Variants in ALCAM observed in about 807,000 individuals in gnomAD.
The protein encoded by ALCAM is activated leukocyte cell adhesion molecule, also known as CD166 antigen.
Under a neutral mutation model 70.9 loss-of-function variants are expected in ALCAM, and 30 were observed. That is an observed-to-expected ratio of 0.42 (90% CI 0.32 to 0.57). The LOEUF (loss-of-function observed/expected upper bound fraction) is 0.57, where lower values mean the gene tolerates loss of function less well. ALCAM is among the 20% of genes least tolerant of loss of function. The probability of loss-of-function intolerance (pLI) is 0.11; values close to 1 mark genes in which losing one functional copy is unlikely to be tolerated. For synonymous variants in ALCAM, 249 were observed against 242.5 expected (o/e 1.03, Z -0.25); for missense variants, 591 against 695.1 (o/e 0.85, Z 1.68).
intron 6 of ALCAM, among the ~76,000 whole-genome samples, chr3:105,536,382 C>A (rs1231540526): frequency 6.6e-6 from 1 of 152,100 alleles, no homozygotes; most frequent in Non-Finnish European, 1.5e-5. Context: ...GTGTGAGCCA[C>A]CAAGCCCGGC....
chr3:105,407,264 A>C (rs1347738907), intron 1 of ALCAM, among the ~76,000 whole-genome samples: 4 of 80,002 alleles, frequency 5.0e-5, no homozygotes, highest in Non-Finnish European at 7.8e-5. Flanking sequence ...CAGCAACAAC[A>C]ACAAAAAAAA....
intron 1 of ALCAM, among the ~76,000 whole-genome samples, chr3:105,445,829 A>G (rs903841707): frequency 3.3e-4 from 50 of 152,222 alleles, no homozygotes; most frequent in African/African-American, 1.1e-3. Context: ...AAATCAATTC[A>G]AAATTGATTA....
At chr3:105,426,962 T>C (rs544730343) in intron 1 of ALCAM, among the ~76,000 whole-genome samples, 13 of 152,016 alleles carry the variant, frequency 8.6e-5, no homozygotes, top group Non-Finnish European at 1.5e-4. Flanking sequence ...CAATGATCCT[T>C]CTGGGGAGAC....
intron 1 of ALCAM, among the ~76,000 whole-genome samples, chr3:105,498,825 T>A (rs1468969777): frequency 6.6e-6 from 1 of 152,190 alleles, no homozygotes; most frequent in East Asian, 1.9e-4. Flanking sequence ...TAAATTCCCA[T>A]TGTCTTATGG....
chr3:105,523,832 G>A (rs544622527), intron 2 of ALCAM, among the ~76,000 whole-genome samples: 3 of 152,148 alleles, frequency 2.0e-5, no homozygotes, highest in Non-Finnish European at 4.4e-5. Context: ...GTTTTGGTTA[G>A]AGGTGTGGAC....
At chr3:105,418,820 C>T (rs552462447) in intron 1 of ALCAM, among the ~76,000 whole-genome samples, 52 of 151,634 alleles carry the variant, frequency 3.4e-4, no homozygotes, top group African/African-American at 1.2e-3. Context: ...CAGATATTCA[C>T]TGTAGAAAAA....
At chr3:105,458,527 A>C (rs1206585144) in intron 1 of ALCAM, among the ~76,000 whole-genome samples, 4 of 152,224 alleles carry the variant, frequency 2.6e-5, no homozygotes, top group Admixed American at 6.5e-5. Flanking sequence ...GCTATTAGCT[A>C]TCACTTCTTA....
intron 1 of ALCAM, among the ~76,000 whole-genome samples, chr3:105,402,603 C>T (rs928073635): frequency 6.6e-6 from 1 of 152,084 alleles, no homozygotes; most frequent in Non-Finnish European, 1.5e-5. Flanking sequence ...GGGTGTGGCC[C>T]GTGACTGCTG....
chr3:105,573,787 A>T (rs1473155354), intron 15 of ALCAM, among the ~76,000 whole-genome samples: 1 of 152,230 alleles, frequency 6.6e-6, no homozygotes. Flanking sequence ...GTTCATTATA[A>T]ATAAACCACA....
At position 105,431,763 on chromosome 3, in the gene ALCAM, G is replaced by T. The variant is rs566153766; in HGVS notation, c.73+64282G>T. 5.9e-5 allele frequency among the ~76,000 whole-genome samples: 9 copies of T among 152,152 alleles called. No homozygotes were observed. In the South Asian group the frequency reaches 1.9e-3, roughly 32 times the overall value. ...TATTTTTGAAATCAGTTTTCACCCT[G>T]TTTTTGTTATGAATTATGACAGTGA... On this transcript the variant is annotated intron_variant, in intron 1 of 15. Transcript: ENST00000306107.
chr3:105,566,175 G>A (rs965715276), intron 14 of ALCAM, among the ~76,000 whole-genome samples: 2 of 152,186 alleles, frequency 1.3e-5, no homozygotes, highest in Admixed American at 1.3e-4. Flanking sequence ...GTGGATTTTG[G>A]TATTCAAGAG....
rs1935826941 is a variant in ALCAM at position 105,391,890 on chromosome 3, T to C, written c.73+24409T>C. The stretch of plus-strand genomic sequence containing the variant: ...GATGAATTACATTGATTGTTTTATG[T>C]ATGTTGAACCAGCCTTGCATCTGGG... On this transcript the variant is annotated intron_variant, in intron 1 of 15. Transcript: ENST00000306107. Among the ~76,000 whole-genome samples, 2 of 152,274 alleles carry C rather than the reference T, an allele frequency of 1.3e-5. 1 individual carries two copies. Among genetic ancestry groups the C allele is most frequent in the African/African-American group, 4.8e-5 (2 of 41,572 alleles).
intron 1 of ALCAM, among the ~76,000 whole-genome samples, chr3:105,432,660 G>A (rs539266524): frequency 2.0e-5 from 3 of 151,984 alleles, no homozygotes; most frequent in Non-Finnish European, 4.4e-5. Context: ...GTCAAACTTA[G>A]CACAGCGCTT....
intron 1 of ALCAM, among the ~76,000 whole-genome samples, chr3:105,435,629 T>C (rs752591269): frequency 1.8e-4 from 27 of 152,172 alleles, no homozygotes; most frequent in Non-Finnish European, 3.4e-4. Context: ...CACATAAAAC[T>C]TAGAAATAAT....
intron 1 of ALCAM, among the ~76,000 whole-genome samples, chr3:105,462,693 C>T (rs749191494): frequency 6.6e-6 from 1 of 151,226 alleles, no homozygotes; most frequent in Non-Finnish European, 1.5e-5. Context: ...GTTAATAAAA[C>T]ATCTAAGTTG....
chr3:105,412,524 T>G (rs544411727), intron 1 of ALCAM, among the ~76,000 whole-genome samples: 1 of 152,268 alleles, frequency 6.6e-6, no homozygotes, highest in African/African-American at 2.4e-5. Context: ...TTATGCAAAT[T>G]ATTAATCTTG....
At chr3:105,450,129 C>T (rs1346107798) in intron 1 of ALCAM, among the ~76,000 whole-genome samples, 1 of 152,090 alleles carries the variant, frequency 6.6e-6, no homozygotes, top group Non-Finnish European at 1.5e-5. Flanking sequence ...TGAAAACTTA[C>T]CAGTTTGAAG....
At chr3:105,369,050 A>G (rs1402625279) in intron 1 of ALCAM, among the ~76,000 whole-genome samples, 1 of 152,138 alleles carries the variant, frequency 6.6e-6, no homozygotes, top group African/African-American at 2.4e-5. Flanking sequence ...CGATGGAGGA[A>G]AGGACACTTT....
At chr3:105,469,443 A>G (rs1488315361) in intron 1 of ALCAM, among the ~76,000 whole-genome samples, 1 of 151,122 alleles carries the variant, frequency 6.6e-6, no homozygotes, top group Non-Finnish European at 1.5e-5. Flanking sequence ...CTTTTAAACC[A>G]GTGACACCAT....
Sources: gnomAD v4.1 joint callset for allele counts (sites outside exome capture counted in the v4.1 genomes callset) on GRCh38, gnomAD v4.1.1 for gene constraint, MANE v1.5 for transcripts, NCBI Gene and HGNC (gene_info 2026-07-23, HGNC 2026-07-21) for gene names.